The following BID variants were observed in gnomAD, a reference collection of about 807,000 sequenced individuals.
BID encodes BH3-interacting domain death agonist.
A neutral mutation model predicts 17.4 loss-of-function variants in BID; 19 were observed. The ratio of observed to expected loss-of-function variants is 1.09; its 90% CI spans 0.76 to 1.60. BID has a LOEUF of 1.60. Ranked by LOEUF, BID falls within the 40% of genes most tolerant of loss-of-function variation. The pLI, the probability that BID is intolerant of heterozygous loss-of-function variation, is 0.00. For synonymous variants in BID, 108 were observed against 102.8 expected (o/e 1.05, Z -0.31); for missense variants, 226 against 256.0 (o/e 0.88, Z 0.80).
At position 17,739,347 on chromosome 22, in the gene BID, A is replaced by G. The variant is rs201604654; in HGVS notation, c.363+2T>C. ...CCACGCGGTCCTCAGGCCCTCACTC[A>G]CCTCCTCCGACCGGCTGGTGTTCCT... On this transcript the variant is annotated splice_donor_variant, in intron 4 of 5. Transcript: ENST00000622694. LOFTEE classifies it high-confidence loss of function. 9.2e-5 allele frequency: 146 copies of G among 1,586,030 alleles called. No individual in the cohort carries two copies. The East Asian group carries it at 3.2e-3, about 35-fold the overall frequency.
At chr22:17,756,681 T>G (rs1195825926) in intron 1 of BID, among the ~76,000 whole-genome samples, 1 of 151,840 alleles carries the variant, frequency 6.6e-6, no homozygotes, top group Non-Finnish European at 1.5e-5. Context: ...GTTCAAGTGA[T>G]TCTCCTGCTT....
chr22:17,740,406 A>C, intron 3 of BID: 1 of 522,138 alleles, frequency 1.9e-6, no homozygotes. Flanking sequence ...ACCAGCAACA[A>C]AGCAAGGCCC....
At chr22:17,759,241 C>CAAAAAAAAAAA (rs1555906713) in intron 1 of BID, among the ~76,000 whole-genome samples, 1 of 97,082 alleles carries the variant, frequency 1.0e-5, no homozygotes, top group Admixed American at 1.2e-4. Flanking sequence ...AAACAAAAAA[C>CAAAAAAAAAAA]AAAACAAAAA....
At chr22:17,766,292 T>C (rs1366860626) in intron 1 of BID, among the ~76,000 whole-genome samples, 1 of 150,750 alleles carries the variant, frequency 6.6e-6, no homozygotes, top group Admixed American at 6.6e-5. Flanking sequence ...CTTTTTTTTT[T>C]TTTTTTTGAG....
At chr22:17,758,336 G>A (rs2061609537) in intron 1 of BID, among the ~76,000 whole-genome samples, 2 of 152,224 alleles carry the variant, frequency 1.3e-5, no homozygotes, top group South Asian at 4.1e-4. Flanking sequence ...TCCAGGGAAG[G>A]CCCTGGCCGC....
At chr22:17,765,594 ATAT>A (rs1419455648) in intron 1 of BID, among the ~76,000 whole-genome samples, 1 of 152,226 alleles carries the variant, frequency 6.6e-6, no homozygotes, top group African/African-American at 2.4e-5. Context: ...TGTAACAGTA[ATAT>A]TAGCTGATTT....
Position 17,743,925 on chromosome 22 carries a change from C to T in BID, c.101G>A (p.Arg34His), listed in dbSNP as rs760132280. 9.3e-6 allele frequency: 15 copies of T among 1,613,728 alleles called. No individual in the cohort carries two copies. Among genetic ancestry groups the T allele is most frequent in the Admixed American group, 3.3e-5 (2 of 59,996 alleles). The change falls in exon 3 of 6, where the codon CGC becomes CAC. Residue 34 changes from arginine (R) to histidine (H), a missense_variant. Arg to His is a conservative substitution (Grantham distance 29, BLOSUM62 0). Transcript: ENST00000622694. The part of the protein sequence containing the change: ...FLQSCSDNSF[R>H]RELDALGHEL... Reference sequence around the variant, plus strand: ...GTGGCCCAGTGCGTCCAGCTCTCTGCGGAAGCTGTTGTCAGAACAGCTTTG... The same window carrying T: ...GTGGCCCAGTGCGTCCAGCTCTCTGTGGAAGCTGTTGTCAGAACAGCTTTG...
intron 1 of BID, among the ~76,000 whole-genome samples, chr22:17,757,707 T>TTAAA (rs2061603981): frequency 2.1e-5 from 2 of 97,456 alleles, no homozygotes; most frequent in African/African-American, 1.5e-4. Flanking sequence ...AGACTCCGTC[T>TTAAA]CAAAAAAAAA....
rs755255176 is a variant in BID at position 17,743,869 on chromosome 22, C to T, written c.157G>A (p.Gly53Ser). The T allele has an allele frequency of 6.2e-7, 1 of 1,613,318 alleles. No individual in the cohort carries two copies. Among genetic ancestry groups the T allele is most frequent in the Admixed American group, 1.7e-5 (1 of 60,022 alleles). ...CCATCAGTCTGCAGCTCATCGTAGC[C>T]CTCCCACTGGGGAGCCAGCACTGGC... ...ELPVLAPQWE[G>S]YDELQTDGNR... is the part of the protein sequence containing the mutation. The change falls in exon 3 of 6, where the codon GGC (glycine) becomes AGC (serine). Residue 53 changes from glycine to serine, a missense_variant. Transcript: ENST00000622694.
At chr22:17,743,259 A>G (rs895528995) in intron 3 of BID, among the ~76,000 whole-genome samples, 1 of 152,276 alleles carries the variant, frequency 6.6e-6, no homozygotes, top group Non-Finnish European at 1.5e-5. Context: ...TCAATGGGAC[A>G]GTCAGCCAGG....
At chr22:17,763,514 G>A (rs1199991827) in intron 1 of BID, among the ~76,000 whole-genome samples, 1 of 152,102 alleles carries the variant, frequency 6.6e-6, no homozygotes, top group Non-Finnish European at 1.5e-5. Context: ...AAAGTGCTGG[G>A]ATTACAGGCG....
chr22:17,769,794 A>G lies in BID; in HGVS notation c.-59+4587T>C, dbSNP rs1242684653. ...CTCAGAGTTCCCAGCTGAACCCAGGAGGCACCCACCTTCCTGTCTCTAGGC... is the reference window on the plus strand; with the variant it reads ...CTCAGAGTTCCCAGCTGAACCCAGGGGGCACCCACCTTCCTGTCTCTAGGC... On this transcript the variant is annotated intron_variant, in intron 1 of 5. Coordinates refer to ENST00000622694, the MANE Select transcript of BID (RefSeq NM_001196.4). The surrounding 1 kb of genome is among the most constrained non-coding windows in gnomAD (Gnocchi z 4.8). 6.6e-6 allele frequency among the ~76,000 whole-genome samples: 1 copy of G among 152,154 alleles called. No homozygotes were observed. Among genetic ancestry groups the G allele is most frequent in the Non-Finnish European group, 1.5e-5 (1 of 68,006 alleles).
rs574438802 is a variant in BID at position 17,769,281 on chromosome 22, G to A, written c.-59+5100C>T. Among the ~76,000 whole-genome samples, 194 of 152,340 alleles carry A rather than the reference G, an allele frequency of 1.3e-3. No homozygotes were observed. Among genetic ancestry groups the A allele is most frequent in the Admixed American group, 4.2e-3 (65 of 15,310 alleles). On this transcript the variant is annotated intron_variant, in intron 1 of 5. Coordinates refer to ENST00000622694, the MANE Select transcript of BID (RefSeq NM_001196.4). The surrounding 1 kb of genome is among the most constrained non-coding windows in gnomAD (Gnocchi z 4.8). ...CAGGAGCGGCTGGCTGCTGGTGTGAGTACACGGGTGACCCTTCCACAAAGG... is the reference window on the plus strand; with the variant it reads ...CAGGAGCGGCTGGCTGCTGGTGTGAATACACGGGTGACCCTTCCACAAAGG...
chr22:17,770,889 A>G (rs1343124185), intron 1 of BID, among the ~76,000 whole-genome samples: 1 of 152,252 alleles, frequency 6.6e-6, no homozygotes, highest in East Asian at 1.9e-4. Context: ...AAGCCCAGGC[A>G]GGATGCTCTG....
chr22:17,766,543 A>C (rs943178428), intron 1 of BID, among the ~76,000 whole-genome samples: 1 of 151,418 alleles, frequency 6.6e-6, no homozygotes, highest in Non-Finnish European at 1.5e-5. Context: ...GGCCTCCCAA[A>C]GTGCTGGGAT....
chr22:17,744,347 C>T (rs1385189855), intron 2 of BID, among the ~76,000 whole-genome samples: 1 of 152,234 alleles, frequency 6.6e-6, no homozygotes, highest in African/African-American at 2.4e-5. Context: ...GGGAGGCGAG[C>T]GAGTGTCATG....
Position 17,773,657 on chromosome 22 carries a change from C to G in BID, c.-59+724G>C. ...AGCCGGCCCGGCCCCTCGCTGCCCA[C>G]CGAGCCATCATGACCCCAGCACCGC... On this transcript the variant is annotated intron_variant, in intron 1 of 5. Coordinates refer to ENST00000622694, the MANE Select transcript of BID (RefSeq NM_001196.4). This position sits in a 1 kb window ranked among gnomAD's most constrained non-coding sequence, Gnocchi z 4.4. The G allele has an allele frequency of 6.2e-7, 1 of 1,611,724 alleles. No individual in the cohort carries two copies. The highest frequency in any genetic ancestry group is 8.5e-7 in the Non-Finnish European group (1 of 1,179,992).
At chr22:17,740,432 C>CA in intron 3 of BID, 1 of 292,074 alleles carries the variant, frequency 3.4e-6, no homozygotes, top group Admixed American at 4.4e-5. Context: ...CTACAAGAAA[C>CA]TTTTTTTTTT....
chr22:17,772,886 G>A (rs977965275), intron 1 of BID, among the ~76,000 whole-genome samples: 23 of 151,874 alleles, frequency 1.5e-4, no homozygotes, highest in Admixed American at 2.6e-4. Context: ...TTCCCTCTCT[G>A]GCAAGCTCCT....
Sources: gnomAD v4.1 joint callset for allele counts (sites outside exome capture counted in the v4.1 genomes callset) on GRCh38, gnomAD v4.1.1 for gene constraint, Gnocchi (gnomAD v3.1) non-coding constraint, MANE v1.5 for transcripts, NCBI Gene and HGNC (gene_info 2026-07-23, HGNC 2026-07-21) for gene names.